Variants in CASR observed in about 807,000 individuals in gnomAD.
The protein encoded by CASR is calcium sensing receptor.
A neutral mutation model predicts 69.1 loss-of-function variants in CASR; 23 were observed. The observed-to-expected ratio is 0.33, with a 90% CI of 0.24 to 0.47. The LOEUF (loss-of-function observed/expected upper bound fraction) is 0.47. Ranked by LOEUF, CASR falls within the 20% of genes least tolerant of loss-of-function variation. CASR has a pLI of 1.00. For missense variants in CASR, 924 were observed against 1,356.1 expected (o/e 0.68, Z 5.00); for synonymous variants, 541 against 544.7 (o/e 0.99, Z 0.10).
Position 122,289,816 on chromosome 3 carries a change from C to T in CASR, c.*4625C>T, listed in dbSNP as rs1255284972. On this transcript the variant is annotated 3_prime_UTR_variant, in exon 7 of 7. Coordinates refer to ENST00000639785, the MANE Select transcript of CASR (RefSeq NM_000388.4). Reference sequence around the variant, plus strand: ...TGAGGCCAGATGCAGAGGCTCATGCCTGCAATCCCAGCACTTTGGGAGGCT... The same window carrying T: ...TGAGGCCAGATGCAGAGGCTCATGCTTGCAATCCCAGCACTTTGGGAGGCT... 6.6e-6 allele frequency: 1 copy of T among 152,540 alleles called. No homozygotes were observed. The highest frequency in any genetic ancestry group is 2.4e-5 in the African/African-American group (1 of 41,444). The allele number at this position is 152,540 out of a possible 1,614,324, so 9.4% of individuals were successfully genotyped here. A position where few individuals can be genotyped will look rare whatever the true frequency, so the allele number is the denominator to read the frequency against.
At chr3:122,243,846 TAA>T (rs61140236) in intron 1 of CASR, among the ~76,000 whole-genome samples, 101 of 147,480 alleles carry the variant, frequency 6.8e-4, no homozygotes, top group Non-Finnish European at 4.8e-4. Flanking sequence ...TATTCCATCA[TAA>T]AAAAAAAAAT....
rs772906030 is a variant in CASR, at chr3:122,254,368, G to A, written c.179G>A (p.Cys60Tyr). Residue 60 changes from cysteine to tyrosine, a missense_variant, in exon 2 of 7, where the codon TGT (cysteine) becomes TAT (tyrosine). By Grantham distance (194) the Cys-to-Tyr change is radical. Around this residue, in one of 8 missense-constraint regions of CASR, gnomAD observed 141 missense variants for 283.0 expected, o/e 0.50. Transcript: ENST00000639785. ...DLKSRPESVE[C>Y]IRYNFRGFRW... The stretch of plus-strand genomic sequence containing the variant: ...AAATCAAGGCCGGAGTCTGTGGAAT[G>A]TATCAGGTAAGAAGAGGGGCCTAAT... The A allele has an allele frequency of 6.2e-7, 1 of 1,614,106 alleles. No homozygotes were observed. Among genetic ancestry groups the A allele is most frequent in the African/African-American group, 1.3e-5 (1 of 75,046 alleles).
At chr3:122,225,208 TTGA>T (rs931066617) in intron 1 of CASR, among the ~76,000 whole-genome samples, 1 of 151,772 alleles carries the variant, frequency 6.6e-6, no homozygotes, top group Non-Finnish European at 1.5e-5. Context: ...AAAACAAAAA[TTGA>T]TGAGAGAGAC....
In CASR at chr3:122,284,731, A is replaced by G. The variant is rs200263975; in HGVS notation, c.2777A>G (p.Gln926Arg). The G allele has an allele frequency of 1.1e-4, 183 of 1,614,044 alleles. No individual in the cohort carries two copies. Among genetic ancestry groups the G allele is most frequent in the Non-Finnish European group, 1.5e-4 (176 of 1,180,018 alleles). Residue 926 changes from glutamine (Q) to arginine (R), a missense_variant, in exon 7 of 7, where the codon CAG (glutamine) becomes CGG (arginine). Gln to Arg is a conservative substitution (Grantham distance 43). This residue lies in a region of CASR where 201 missense variants were observed against 228.8 expected (regional missense o/e 0.88). Transcript: ENST00000639785. Reference sequence around the variant, plus strand: ...AGCAACAGCGAAGACCCATTCCCACAGCCCGAGAGGCAGAAGCAGCAGCAG... The same window carrying G: ...AGCAACAGCGAAGACCCATTCCCACGGCCCGAGAGGCAGAAGCAGCAGCAG... ...SKSNSEDPFP[Q>R]PERQKQQQPL...
At chr3:122,184,084 G>A (rs2073749134) in intron 1 of CASR, 2 of 152,300 alleles carry the variant, frequency 1.3e-5, no homozygotes, top group Non-Finnish European at 2.9e-5. Context: ...GCCGGCCTGT[G>A]GCCCTCGGGG....
chr3:122,237,123 T>G (rs1444894249), intron 1 of CASR, among the ~76,000 whole-genome samples: 1 of 151,046 alleles, frequency 6.6e-6, no homozygotes, highest in Non-Finnish European at 1.5e-5. Context: ...TTTTTTTTTT[T>G]TTTTTTTGAC....
chr3:122,237,766 GA>G (rs1559948546), intron 1 of CASR, among the ~76,000 whole-genome samples: 1 of 152,186 alleles, frequency 6.6e-6, no homozygotes, highest in African/African-American at 2.4e-5. Flanking sequence ...TGACCACAAT[GA>G]AAAAGACTGG....
chr3:122,202,043 G>C (rs916116560), intron 1 of CASR, among the ~76,000 whole-genome samples: 1 of 152,280 alleles, frequency 6.6e-6, no homozygotes, highest in Non-Finnish European at 1.5e-5. Context: ...CTGCAATCTC[G>C]GCACTTTGGG....
chr3:122,278,839 TAAG>T (rs779337620), intron 5 of CASR, among the ~76,000 whole-genome samples: 58 of 152,288 alleles, frequency 3.8e-4, no homozygotes, highest in Non-Finnish European at 5.3e-4. Context: ...CCTTAACCAT[TAAG>T]AAGAAGAGAA....
chr3:122,195,820 T>C (rs6764205), intron 1 of CASR, among the ~76,000 whole-genome samples: 106,004 of 152,106 alleles, frequency 0.7, 38,770 homozygotes, highest in African/African-American at 0.83. Context: ...TTTTAACTCA[T>C]CTTTTAAAAA....
At chr3:122,255,919 G>A (rs888817723) in intron 2 of CASR, among the ~76,000 whole-genome samples, 1 of 152,190 alleles carries the variant, frequency 6.6e-6, no homozygotes, top group African/African-American at 2.4e-5. Context: ...AACCTGGTGA[G>A]TTGTTTTTTC....
intron 1 of CASR, among the ~76,000 whole-genome samples, chr3:122,193,874 G>A (rs962218915): frequency 6.6e-6 from 1 of 152,042 alleles, no homozygotes; most frequent in South Asian, 2.1e-4. Context: ...TGACAACCCC[G>A]AAAGGAGGGT....
At chr3:122,268,548 C>A (rs2074719729) in intron 4 of CASR, among the ~76,000 whole-genome samples, 2 of 152,190 alleles carry the variant, frequency 1.3e-5, no homozygotes, top group East Asian at 1.9e-4. Context: ...GTCCTGACAC[C>A]TCGGTCCTTA....
chr3:122,201,231 G>GT (rs1407695556), intron 1 of CASR, among the ~76,000 whole-genome samples: 1 of 152,092 alleles, frequency 6.6e-6, no homozygotes, highest in Admixed American at 6.5e-5. Context: ...TCAAGCATCT[G>GT]TTTAACAAAG....
intron 1 of CASR, among the ~76,000 whole-genome samples, chr3:122,194,441 C>T (rs967448346): frequency 6.6e-6 from 1 of 152,078 alleles, no homozygotes; most frequent in Non-Finnish European, 1.5e-5. Flanking sequence ...TACTCTTCTT[C>T]CTTCCTGTCC....
chr3:122,186,245 C>G (rs561348414), intron 1 of CASR, among the ~76,000 whole-genome samples: 1 of 152,272 alleles, frequency 6.6e-6, no homozygotes, highest in African/African-American at 2.4e-5. Context: ...ATTGCATAAC[C>G]TTGAACTGGA....
chr3:122,213,610 G>A (rs17203516), intron 1 of CASR, among the ~76,000 whole-genome samples: 23,797 of 152,096 alleles, frequency 0.16, 1,889 homozygotes, highest in Non-Finnish European at 0.17. Context: ...AGTATGATAC[G>A]TCTCTTGGTC....
intron 5 of CASR, among the ~76,000 whole-genome samples, chr3:122,276,607 TG>T (rs1221830224): frequency 6.6e-6 from 1 of 152,216 alleles, no homozygotes; most frequent in Non-Finnish European, 1.5e-5. Flanking sequence ...TGGAGCTGGA[TG>T]TTTTCACCTG....
chr3:122,242,550 T>C (rs1255526321), intron 1 of CASR, among the ~76,000 whole-genome samples: 1 of 152,082 alleles, frequency 6.6e-6, no homozygotes, highest in Non-Finnish European at 1.5e-5. Flanking sequence ...GGAAATATAT[T>C]CCATATTCAT....
Sources: gnomAD v4.1 joint callset for allele counts (sites outside exome capture counted in the v4.1 genomes callset) on GRCh38, gnomAD v4.1.1 for gene constraint, gnomAD v4.1.1 regional missense constraint, MANE v1.5 for transcripts, NCBI Gene and HGNC (gene_info 2026-07-23, HGNC 2026-07-21) for gene names.